FOXP2: variants seen among roughly 807,000 people sequenced by gnomAD.
FOXP2 encodes the protein forkhead box protein P2.
A neutral mutation model predicts 115.8 loss-of-function variants in FOXP2; 12 were observed. The ratio of observed to expected loss-of-function variants is 0.10; its 90% CI spans 0.07 to 0.17. FOXP2 has a LOEUF of 0.17. Among genes scored for constraint, FOXP2 ranks in the 10% least tolerant of loss-of-function variants. The pLI is 1.00. For synonymous variants in FOXP2, 328 were observed against 297.7 expected (o/e 1.10, Z -1.05); for missense variants, 629 against 843.5 (o/e 0.75, Z 3.15).
intron 6 of FOXP2, among the ~76,000 whole-genome samples, chr7:114,636,356 A>G (rs1805217661): frequency 6.6e-6 from 1 of 152,178 alleles, no homozygotes; most frequent in Admixed American, 6.5e-5. Flanking sequence ...TGAAAACTGA[A>G]AAGTACATAG....
chr7:114,412,245 G>A (rs892884396), upstream of FOXP2, among the ~76,000 whole-genome samples: 10 of 152,014 alleles, frequency 6.6e-5, no homozygotes, highest in Non-Finnish European at 1.2e-4. Flanking sequence ...TCCTGATCAC[G>A]TACCTGCCAT....
At chr7:114,350,509 G>T (rs1791458929) in intron 2 of FOXP2, among the ~76,000 whole-genome samples, 1 of 152,028 alleles carries the variant, frequency 6.6e-6, no homozygotes, top group African/African-American at 2.4e-5. Flanking sequence ...AATGTAACTT[G>T]CAGGGTACTG....
chr7:114,583,036 C>A (rs754078887), intron 3 of FOXP2, among the ~76,000 whole-genome samples: 7 of 152,116 alleles, frequency 4.6e-5, no homozygotes, highest in Non-Finnish European at 8.8e-5. Flanking sequence ...AAATAAATAA[C>A]CACAAAAGAC....
intron 2 of FOXP2, among the ~76,000 whole-genome samples, chr7:114,372,982 A>C (rs1792050140): frequency 6.6e-6 from 1 of 151,964 alleles, no homozygotes; most frequent in South Asian, 2.1e-4. Context: ...CTGGCACGAA[A>C]TCATAGAATA....
chr7:114,129,341 C>A (rs751739591), intron 1 of FOXP2, among the ~76,000 whole-genome samples: 14 of 152,036 alleles, frequency 9.2e-5, no homozygotes, highest in African/African-American at 3.1e-4. Context: ...TTTGTTGAGA[C>A]CTGGAAACAC....
At chr7:114,345,833 G>T (rs1791334273) in intron 2 of FOXP2, among the ~76,000 whole-genome samples, 1 of 151,614 alleles carries the variant, frequency 6.6e-6, no homozygotes, top group Non-Finnish European at 1.5e-5. Context: ...GACTACTGTA[G>T]ACTTATGACA....
chr7:114,278,456 G>GGT (rs1399661544), intron 1 of FOXP2, among the ~76,000 whole-genome samples: 5 of 151,914 alleles, frequency 3.3e-5, no homozygotes, highest in African/African-American at 1.2e-4. Flanking sequence ...CTGGGTTCAA[G>GGT]CCTTTCTCCC....
chr7:114,088,729 G>GT (rs1313902593), intron 1 of FOXP2, among the ~76,000 whole-genome samples: 1 of 152,202 alleles, frequency 6.6e-6, no homozygotes, highest in East Asian at 1.9e-4. Flanking sequence ...CAAGGGGACT[G>GT]TTTATCTTTT....
At chr7:114,119,299 C>T (rs892316560) in intron 1 of FOXP2, among the ~76,000 whole-genome samples, 6 of 152,060 alleles carry the variant, frequency 3.9e-5, no homozygotes, top group African/African-American at 1.4e-4. Context: ...GCTGGAATTA[C>T]CAATATTTTC....
intron 2 of FOXP2, among the ~76,000 whole-genome samples, chr7:114,474,890 C>G (rs1796191370): frequency 6.6e-6 from 1 of 151,984 alleles, no homozygotes; most frequent in Non-Finnish European, 1.5e-5. Context: ...TCCTACACTA[C>G]TGTTTTTGAA....
chr7:114,643,875 A>G (rs1805723760), intron 7 of FOXP2, among the ~76,000 whole-genome samples: 2 of 152,216 alleles, frequency 1.3e-5, no homozygotes, highest in African/African-American at 4.8e-5. Flanking sequence ...CTGCCTTGCC[A>G]TAACAAATTC....
intron 1 of FOXP2, among the ~76,000 whole-genome samples, chr7:114,101,707 T>C (rs1373750874): frequency 6.6e-6 from 1 of 152,100 alleles, no homozygotes; most frequent in African/African-American, 2.4e-5. Flanking sequence ...GTATTATGTC[T>C]GTTTTCCTCT....
chr7:114,667,472 T>C (rs1272615879), intron 16 of FOXP2: 2 of 152,094 alleles, frequency 1.3e-5, no homozygotes, highest in Admixed American at 1.3e-4. Context: ...AAGGACTTAT[T>C]ATAGGTAGCA....
At chr7:114,474,299 C>G (rs942855511) in intron 2 of FOXP2, among the ~76,000 whole-genome samples, 1 of 152,104 alleles carries the variant, frequency 6.6e-6, no homozygotes, top group African/African-American at 2.4e-5. Flanking sequence ...CTCAAATCGG[C>G]ACTATTTTGT....
At chr7:114,407,816 G>T (rs1453111634) in intron 2 of FOXP2, among the ~76,000 whole-genome samples, 2 of 152,188 alleles carry the variant, frequency 1.3e-5, no homozygotes, top group East Asian at 3.9e-4. Flanking sequence ...GGACATGATT[G>T]TTAAGGTCTG....
chr7:114,631,841 G>T (rs556273142), intron 6 of FOXP2, 136 bp downstream of exon 6: 121 of 872,194 alleles, frequency 1.4e-4, no homozygotes, highest in Non-Finnish European at 2.0e-4. Context: ...TTGTTAACAT[G>T]GTGGCATGAC....
intron 9 of FOXP2, among the ~76,000 whole-genome samples, 167 bp from the exon 10 acceptor site, chr7:114,653,759 T>C (rs1183790298): frequency 2.0e-5 from 3 of 152,138 alleles, no homozygotes; most frequent in African/African-American, 7.2e-5. Context: ...TTTTTCCCCC[T>C]CCATAGCTAA....
At chr7:114,196,463 A>T (rs1472731537) in intron 1 of FOXP2, among the ~76,000 whole-genome samples, 1 of 152,224 alleles carries the variant, frequency 6.6e-6, no homozygotes, top group Admixed American at 6.5e-5. Context: ...AAATTATTAA[A>T]CTATATTGGA....
rs573143501 is a variant in FOXP2, at chr7:114,552,141, T to G, written c.258+17435T>G. On this transcript the variant is annotated intron_variant, in intron 3 of 16. Transcript: ENST00000350908. Reference sequence around the variant, plus strand: ...AGCCAGGCTAGAAATGTATGTAGTTTCATATTTTGTAGCTATTTTTAAATG... The same window carrying G: ...AGCCAGGCTAGAAATGTATGTAGTTGCATATTTTGTAGCTATTTTTAAATG... Among the ~76,000 whole-genome samples the G allele has an allele frequency of 2.0e-4, 31 of 152,336 alleles. 1 individual carries two copies. In the South Asian group the frequency reaches 4.8e-3, roughly 23 times the overall value.
Sources: allele counts gnomAD v4.1 joint callset (sites outside exome capture counted in the v4.1 genomes callset), GRCh38; gene constraint gnomAD v4.1.1; transcripts MANE v1.5; gene names NCBI Gene and HGNC (gene_info 2026-07-23, HGNC 2026-07-21).